Variants in SNAPC3 observed in about 807,000 individuals in gnomAD.
SNAPC3 encodes the protein snRNA-activating protein complex subunit 3.
Under a neutral mutation model 47.7 loss-of-function variants are expected in SNAPC3, and 56 were observed. The ratio of observed to expected loss-of-function variants is 1.18; its 90% confidence interval spans 0.95 to 1.47. The LOEUF (loss-of-function observed/expected upper bound fraction) is 1.47, where lower values mean the gene tolerates loss of function less well. Among genes scored for constraint, SNAPC3 ranks in the 40% most tolerant of loss-of-function variants. The pLI is 0.00. For missense variants in SNAPC3, 665 were observed against 511.3 expected, an observed-to-expected ratio of 1.30 and a Z score of -2.90; for synonymous variants, 235 against 189.9, an observed-to-expected ratio of 1.24 and a Z score of -1.95.
At chr9:15,451,630 G>A (rs1374318462) in intron 6 of SNAPC3, among the ~76,000 whole-genome samples, 2 of 152,110 alleles carry the variant, frequency 1.3e-5, no homozygotes, top group African/African-American at 4.8e-5. Context: ...GTTCAAGGCT[G>A]TATAGCATGC....
rs537777871 is a variant in SNAPC3 at position 15,447,298 on chromosome 9, C to A, written c.732+54C>A. On this transcript the variant is annotated intron_variant, in intron 5 of 8. Transcript: ENST00000380821. Reference sequence around the variant, plus strand: ...AGGAAATAACAAGCTAAGAAAATAGCGATTACTCTAGCTGGTTCATAAATG... The same window carrying A: ...AGGAAATAACAAGCTAAGAAAATAGAGATTACTCTAGCTGGTTCATAAATG... The A allele has an allele frequency of 5.5e-5, 83 of 1,507,820 alleles. No individual in the cohort carries two copies. The African/African-American group carries it at 8.1e-4, about 15-fold the overall frequency. 93.4% of individuals were successfully genotyped at this position (1,507,820 alleles called of 1,614,324 possible).
intron 3 of SNAPC3, among the ~76,000 whole-genome samples, chr9:15,443,504 G>A (rs1035018128): frequency 1.3e-5 from 2 of 152,026 alleles, no homozygotes; most frequent in South Asian, 2.1e-4. Flanking sequence ...CTTGTTGTAC[G>A]TGGTCACTGA....
chr9:15,447,456 T>A (rs116209202), intron 5 of SNAPC3, among the ~76,000 whole-genome samples: 16 of 152,324 alleles, frequency 1.1e-4, no homozygotes, highest in African/African-American at 3.8e-4. Flanking sequence ...CATTTGTTTC[T>A]AAACTATTGT....
intron 1 of SNAPC3, 130 bp from the exon 2 acceptor site, chr9:15,423,779 C>T (rs2030933037): frequency 4.2e-6 from 2 of 475,694 alleles, no homozygotes; most frequent in Admixed American, 4.2e-5. Flanking sequence ...TAAGTTCTGG[C>T]CTCTCTGAGC....
chr9:15,455,896 C>T (rs139978931), intron 7 of SNAPC3, among the ~76,000 whole-genome samples: 2 of 151,628 alleles, frequency 1.3e-5, no homozygotes, highest in East Asian at 3.9e-4. Flanking sequence ...TTTTTTGAGA[C>T]CGAGTTTCGC....
chr9:15,426,487 C>G (rs182095674), intron 2 of SNAPC3, among the ~76,000 whole-genome samples: 1 of 152,144 alleles, frequency 6.6e-6, no homozygotes, highest in Non-Finnish European at 1.5e-5. Context: ...TGCTATATTA[C>G]CAATTCCTAG....
rs539408489 is a variant in SNAPC3 at position 15,452,479 on chromosome 9, C to T, written c.816-562C>T. Among the ~76,000 whole-genome samples, 22 of 152,192 alleles carry T rather than the reference C, an allele frequency of 1.4e-4. No homozygotes were observed. In the East Asian group the frequency reaches 1.7e-3, roughly 12 times the overall value. On this transcript the variant is annotated intron_variant, in intron 6 of 8. Coordinates refer to ENST00000380821, the MANE Select transcript of SNAPC3 (RefSeq NM_001039697.2). Reference sequence around the variant, plus strand: ...GATTACAGGCAGGCACCACCACGCCCGGCTGATTTTGTATTTTTAGTAGAG... The same window carrying T: ...GATTACAGGCAGGCACCACCACGCCTGGCTGATTTTGTATTTTTAGTAGAG...
At chr9:15,449,175 C>T (rs1422556831) in intron 5 of SNAPC3, among the ~76,000 whole-genome samples, 1 of 152,024 alleles carries the variant, frequency 6.6e-6, no homozygotes, top group Non-Finnish European at 1.5e-5. Context: ...TCAAAAAAAA[C>T]GTAAGATGTA....
chr9:15,428,335 C>T (rs761142856), intron 2 of SNAPC3, among the ~76,000 whole-genome samples: 6 of 151,704 alleles, frequency 4.0e-5, no homozygotes, highest in Admixed American at 1.3e-4. Flanking sequence ...CTGTTCCACT[C>T]GGAAACAGGT....
chr9:15,439,506 CA>C (rs2033131254), intron 3 of SNAPC3, among the ~76,000 whole-genome samples: 1 of 151,976 alleles, frequency 6.6e-6, no homozygotes. Flanking sequence ...AAACACATGC[CA>C]AAACATCTTA....
intron 6 of SNAPC3, among the ~76,000 whole-genome samples, chr9:15,452,208 C>T (rs1010730823): frequency 1.7e-4 from 26 of 152,274 alleles, no homozygotes; most frequent in African/African-American, 6.3e-4. Context: ...AGTAAGCCGA[C>T]TGCATCGGCC....
rs1353123351 is a variant in SNAPC3 at position 15,447,118 on chromosome 9, A to G, written c.606A>G (p.Gln202=). ...AGCACAAAGAACACAAACCATACCA[A>G]ACAATGCTGGTGTTGGGCAGTCAAA... The part of the protein sequence containing the change: ...FHKHKEHKPY[Q]TMLVLGSQKL... The change falls in exon 5 of 9, where the codon CAA becomes CAG. Residue 202 remains glutamine (Q), a synonymous_variant. Transcript: ENST00000380821. The G allele has an allele frequency of 6.2e-7, 1 of 1,614,112 alleles. No homozygotes were observed. Among genetic ancestry groups the G allele is most frequent in the African/African-American group, 1.3e-5 (1 of 75,050 alleles).
At chr9:15,457,433 A>G (rs1367825622) in intron 7 of SNAPC3, among the ~76,000 whole-genome samples, 2 of 152,044 alleles carry the variant, frequency 1.3e-5, no homozygotes, top group Non-Finnish European at 2.9e-5. Flanking sequence ...TGTCTCTACA[A>G]AAACTTAAAA....
chr9:15,434,114 C>G (rs10733292), intron 3 of SNAPC3, among the ~76,000 whole-genome samples: 117,371 of 152,150 alleles, frequency 0.77, 46,658 homozygotes, highest in Non-Finnish European at 0.87. Context: ...TATTGTCTCT[C>G]CCACTTATTT....
intron 7 of SNAPC3, among the ~76,000 whole-genome samples, chr9:15,455,418 T>G (rs2034704166): frequency 6.6e-6 from 1 of 152,052 alleles, no homozygotes; most frequent in Admixed American, 6.6e-5. Flanking sequence ...AATACAAAAA[T>G]TAGCCAGGTG....
intron 2 of SNAPC3, among the ~76,000 whole-genome samples, chr9:15,424,218 A>G (rs1047531774): frequency 6.6e-6 from 1 of 152,226 alleles, no homozygotes; most frequent in Admixed American, 6.5e-5. Context: ...TTACCCGTAA[A>G]TACATAAGCA....
intron 5 of SNAPC3, among the ~76,000 whole-genome samples, chr9:15,450,894 G>C (rs1199637584): frequency 1.3e-5 from 2 of 152,142 alleles, no homozygotes; most frequent in African/African-American, 4.8e-5. Context: ...TAGAAATTCA[G>C]ATTCTGTCTG....
chr9:15,457,396 AC>A (rs1397405786), intron 7 of SNAPC3, among the ~76,000 whole-genome samples: 2 of 151,732 alleles, frequency 1.3e-5, no homozygotes, highest in Non-Finnish European at 2.9e-5. Flanking sequence ...GGAGTTTGAG[AC>A]CAGCCTGGAC....
At chr9:15,423,850 C>A in intron 1 of SNAPC3, 59 bp from the exon 2 acceptor site, 1 of 995,956 alleles carries the variant, frequency 1.0e-6, no homozygotes, top group South Asian at 1.7e-5. Flanking sequence ...ACAACCCTAA[C>A]TCGCTGTGAA....
Sources: gnomAD v4.1 joint callset for allele counts (sites outside exome capture counted in the v4.1 genomes callset) on GRCh38, gnomAD v4.1.1 for gene constraint, MANE v1.5 for transcripts, NCBI Gene and HGNC (gene_info 2026-07-23, HGNC 2026-07-21) for gene names.